The following AAK1 variants were observed in gnomAD, a reference collection of about 807,000 sequenced individuals.
AAK1 encodes the protein AP2 associated kinase 1, also known as AP2-associated protein kinase 1.
In AAK1, 37 loss-of-function variants were observed where a neutral mutation model predicts 116.0. The observed-to-expected ratio is 0.32, with a 90% confidence interval of 0.25 to 0.42. The LOEUF is 0.42. Ranked by LOEUF, AAK1 falls within the 10% of genes least tolerant of loss-of-function variation. The pLI, the probability that AAK1 is intolerant of heterozygous loss-of-function variation, is 1.00. For missense variants in AAK1, 919 were observed against 1,170.6 expected (o/e 0.79, Z 3.14); for synonymous variants, 458 against 439.9 (o/e 1.04, Z -0.51).
chr2:69,582,502 G>A (rs1459953907), intron 2 of AAK1, among the ~76,000 whole-genome samples: 3 of 152,120 alleles, frequency 2.0e-5, no homozygotes, highest in African/African-American at 4.8e-5. Context: ...GTTTGCCCAC[G>A]CTGGCTCTTT....
chr2:69,544,584 T>C (rs1670849630), intron 3 of AAK1, 40 bp from the exon 4 acceptor site: 2 of 1,448,444 alleles, frequency 1.4e-6, no homozygotes, highest in African/African-American at 1.4e-5. Context: ...TAGTTTCAGA[T>C]GCCAATAGGA....
intron 19 of AAK1, among the ~76,000 whole-genome samples, chr2:69,479,921 A>C (rs1395556495): frequency 2.0e-5 from 3 of 151,928 alleles, no homozygotes; most frequent in Non-Finnish European, 4.4e-5. Context: ...ACAACCGGCT[A>C]ATTTTGTATT....
intron 4 of AAK1, chr2:69,544,113 G>C (rs998938903): frequency 1.8e-5 from 4 of 220,438 alleles, no homozygotes; most frequent in Non-Finnish European, 2.7e-5. Context: ...CATCCATCTG[G>C]AGTTCAGCCT....
intron 13 of AAK1, among the ~76,000 whole-genome samples, chr2:69,511,299 C>T (rs1300469126): frequency 6.6e-6 from 1 of 152,230 alleles, no homozygotes; most frequent in African/African-American, 2.4e-5. Flanking sequence ...CTGCCCTCAT[C>T]TTGTCCTCAG....
intron 2 of AAK1, among the ~76,000 whole-genome samples, chr2:69,614,101 T>C (rs898202419): frequency 6.6e-6 from 1 of 152,186 alleles, no homozygotes; most frequent in African/African-American, 2.4e-5. Context: ...GTAGAGGAAA[T>C]GGTTTTCCTT....
At position 69,519,191 on chromosome 2, in the gene AAK1, G is replaced by A; in HGVS notation, c.1260C>T (p.Pro420=). Residue 420 remains proline, a synonymous_variant, in exon 12 of 22, where the codon CCC becomes CCT. Coordinates refer to ENST00000409085, the MANE Select transcript of AAK1 (RefSeq NM_014911.5). ...GLLASVPQPK[P]QAPPSQPLPQ... ...GCAGAGGCTGGCTGGGTGGGGCTTG[G>A]GGTTTTGGTTGGGGAACACTGGCTA... 6.3e-7 allele frequency: 1 copy of A among 1,588,862 alleles called. No homozygotes were observed. The highest frequency in any genetic ancestry group is 1.8e-5 in the Admixed American group (1 of 55,750).
At chr2:69,583,381 G>A (rs534257189) in intron 2 of AAK1, among the ~76,000 whole-genome samples, 1 of 152,354 alleles carries the variant, frequency 6.6e-6, no homozygotes, top group African/African-American at 2.4e-5. Context: ...GGGAAGTAGA[G>A]GCAGGAATTA....
At chr2:69,640,053 A>ACACTCTCT (rs1343518565) in intron 2 of AAK1, among the ~76,000 whole-genome samples, 44 of 92,740 alleles carry the variant, frequency 4.7e-4, no homozygotes, top group African/African-American at 2.0e-3. Context: ...ACACACACAC[A>ACACTCTCT]CTCTCTCTCT....
intron 15 of AAK1, among the ~76,000 whole-genome samples, chr2:69,506,564 C>T (rs757260380): frequency 6.6e-6 from 1 of 152,116 alleles, no homozygotes; most frequent in Non-Finnish European, 1.5e-5. Context: ...AGGATCTTGG[C>T]ATGTTGCCCA....
chr2:69,635,360 T>C (rs1481949819), intron 2 of AAK1, among the ~76,000 whole-genome samples: 1 of 152,186 alleles, frequency 6.6e-6, no homozygotes, highest in Non-Finnish European at 1.5e-5. Context: ...GAAACATGGG[T>C]ACAGCCGCTA....
chr2:69,608,972 G>C (rs553264528), intron 2 of AAK1, among the ~76,000 whole-genome samples: 2 of 152,334 alleles, frequency 1.3e-5, no homozygotes, highest in Middle Eastern at 3.4e-3. Flanking sequence ...AATTGGAGAA[G>C]ACACACATAA....
chr2:69,633,683 G>C (rs902468341), intron 2 of AAK1, among the ~76,000 whole-genome samples: 2 of 151,246 alleles, frequency 1.3e-5, no homozygotes, highest in African/African-American at 4.9e-5. Flanking sequence ...CTCTGATCTT[G>C]GACTTCATAG....
chr2:69,542,498 C>G (rs750341472), intron 5 of AAK1, 25 bp downstream of exon 5: 2 of 1,612,668 alleles, frequency 1.2e-6, no homozygotes, highest in South Asian at 1.1e-5. Context: ...GTAGAATGCC[C>G]GTAATGAAAG....
At chr2:69,559,296 ACACTCT>A (rs751041924) in intron 2 of AAK1, among the ~76,000 whole-genome samples, 4 of 129,168 alleles carry the variant, frequency 3.1e-5, no homozygotes, top group African/African-American at 9.0e-5. Flanking sequence ...ACACACACAC[ACACTCT>A]CTCTCTCCTC....
At chr2:69,642,730 C>T in intron 2 of AAK1, 148 bp downstream of exon 2, 9 of 1,188,244 alleles carry the variant, frequency 7.6e-6, no homozygotes, top group African/African-American at 1.5e-5. Flanking sequence ...AATTTTAAAT[C>T]TCTCAAGGAC....
intron 2 of AAK1, among the ~76,000 whole-genome samples, chr2:69,563,495 C>A (rs1671732303): frequency 1.3e-5 from 2 of 152,198 alleles, no homozygotes; most frequent in African/African-American, 2.4e-5. Context: ...GCACTGAAAT[C>A]ACCAACTGTT....
At chr2:69,530,537 C>A (rs1020040201) in intron 7 of AAK1, 88 bp downstream of exon 7, 9 of 1,104,586 alleles carry the variant, frequency 8.1e-6, no homozygotes, top group African/African-American at 1.6e-5. Context: ...CAGTAGCCAC[C>A]ATGCTATAGC....
At chr2:69,622,042 A>G (rs911444446) in intron 2 of AAK1, among the ~76,000 whole-genome samples, 4 of 152,250 alleles carry the variant, frequency 2.6e-5, no homozygotes, top group Non-Finnish European at 5.9e-5. Flanking sequence ...GGGCTGGCCA[A>G]GGCCAGAGCT....
chr2:69,476,968 G>A lies in AAK1; in HGVS notation c.2703C>T (p.Ile901=), dbSNP rs1294415356. The change falls in exon 21 of 22, where the codon ATC becomes ATT. Residue 901 remains isoleucine, a synonymous_variant. Coordinates refer to ENST00000409085, the MANE Select transcript of AAK1 (RefSeq NM_014911.5). ...VHKAAEDSNL[I]SGFDVPEGSD... is the part of the protein sequence containing the mutation. ...AGCCCTCAGGGACATCAAAACCTGA[G>A]ATGAGATTACTATCTTCTGCAGCTT... 6.2e-7 allele frequency: 1 copy of A among 1,612,672 alleles called. No homozygotes were observed. The highest frequency in any genetic ancestry group is 1.3e-5 in the African/African-American group (1 of 74,868).
Sources: allele counts gnomAD v4.1 joint callset (sites outside exome capture counted in the v4.1 genomes callset), GRCh38; gene constraint gnomAD v4.1.1; transcripts MANE v1.5; gene names NCBI Gene and HGNC (gene_info 2026-07-23, HGNC 2026-07-21).